The following DTX1 variants were observed in gnomAD, a reference collection of about 807,000 sequenced individuals.
The protein encoded by DTX1 is E3 ubiquitin-protein ligase DTX1.
In DTX1, 26 loss-of-function variants were observed where a neutral mutation model predicts 57.8. That is an observed-to-expected ratio of 0.45 (90% CI 0.33 to 0.62). DTX1 has a LOEUF of 0.62. DTX1 is among the 20% of genes least tolerant of loss of function. The pLI, the probability that DTX1 is intolerant of heterozygous loss-of-function variation, is 0.02. For missense variants in DTX1, 704 were observed against 895.3 expected, an observed-to-expected ratio of 0.79 and a Z score of 2.73; for synonymous variants, 398 against 394.1, an observed-to-expected ratio of 1.01 and a Z score of -0.12.
chr12:113,080,867 C>G (rs901273897), intron 3 of DTX1, among the ~76,000 whole-genome samples: 2 of 151,488 alleles, frequency 1.3e-5, no homozygotes, highest in African/African-American at 2.4e-5. Flanking sequence ...CCCAGTTACT[C>G]GGAAGGCTGA....
chr12:113,086,171 G>A (rs2044855472), intron 3 of DTX1, among the ~76,000 whole-genome samples: 1 of 152,018 alleles, frequency 6.6e-6, no homozygotes, highest in African/African-American at 2.4e-5. Flanking sequence ...AGGAGGCTGA[G>A]GTGGGAGGAT....
At chr12:113,095,457 G>A in intron 9 of DTX1, 43 bp downstream of exon 9, 1 of 1,612,044 alleles carries the variant, frequency 6.2e-7, no homozygotes. Flanking sequence ...GGCACAGGCA[G>A]GGGCTCCAGC....
At chr12:113,074,666 C>T (rs527824838) in intron 2 of DTX1, among the ~76,000 whole-genome samples, 2 of 152,190 alleles carry the variant, frequency 1.3e-5, no homozygotes, top group East Asian at 1.9e-4. Flanking sequence ...CCTCTGGCTG[C>T]GGTATGGGAA....
chr12:113,085,317 TG>T (rs1404057549), intron 3 of DTX1, among the ~76,000 whole-genome samples: 3 of 152,238 alleles, frequency 2.0e-5, no homozygotes, highest in African/African-American at 7.2e-5. Flanking sequence ...CCCAAAGTGC[TG>T]GGATTACAGG....
chr12:113,095,171 C>A lies in DTX1; in HGVS notation c.1516C>A (p.Arg506Ser), dbSNP rs768839188. The change falls in exon 8 of 10, where the codon CGC becomes AGC. Residue 506 changes from arginine to serine, a missense_variant. This residue lies in a region of DTX1 where 168 missense variants were observed against 255.6 expected (regional missense o/e 0.66). Transcript: ENST00000548759. ...LPGFPDTQTI[R>S]IVYDIPTGIQ... is the part of the protein sequence containing the mutation. ...CGGCTTCCCTGATACCCAGACCATCCGCATCGTCTATGACATCCCCACAGG... is the reference window on the plus strand; with the variant it reads ...CGGCTTCCCTGATACCCAGACCATCAGCATCGTCTATGACATCCCCACAGG... 1 of 1,612,336 alleles carries A rather than the reference C, an allele frequency of 6.2e-7. No individual in the cohort carries two copies. The highest frequency in any genetic ancestry group is 2.2e-5 in the East Asian group (1 of 44,840).
chr12:113,096,774 C>G lies in DTX1; in HGVS notation c.1698C>G (p.Ser566=), dbSNP rs371376467. Reference sequence around the variant, plus strand: ...GACTCATCTTCACTATCGGCACGTCCAACACCACGGGCGAGTCGGACACCG... The same window carrying G: ...GACTCATCTTCACTATCGGCACGTCGAACACCACGGGCGAGTCGGACACCG... The part of the protein sequence containing the change: ...ERRLIFTIGT[S]NTTGESDTVV... The change falls in exon 10 of 10, where the codon TCC becomes TCG. Residue 566 remains serine, a synonymous_variant. Coordinates refer to ENST00000548759, the MANE Select transcript of DTX1 (RefSeq NM_004416.3). The G allele has an allele frequency of 4.3e-6, 7 of 1,613,750 alleles. No homozygotes were observed. The African/African-American group carries it at 6.7e-5, about 15-fold the overall frequency.
At position 113,093,436 on chromosome 12, in the gene DTX1, A is replaced by ACCC; in HGVS notation, c.1004-103_1004-102insCCC. On this transcript the variant is annotated intron_variant, in intron 4 of 9. Transcript: ENST00000548759. The surrounding 1 kb of genome is among the most constrained non-coding windows in gnomAD (Gnocchi z 4.2). ...CTGAGTGGGTGGGGCCCAAGAGCGCAACCCTCCCACCCACCCGAGGGCCCC... is the reference window on the plus strand; with the variant it reads ...CTGAGTGGGTGGGGCCCAAGAGCGCACCCACCCTCCCACCCACCCGAGGGCCCC... 2.4e-5 allele frequency: 21 copies of ACCC among 876,266 alleles called. No individual in the cohort carries two copies. The highest frequency in any genetic ancestry group is 2.9e-5 in the Non-Finnish European group (17 of 586,214). 54.3% of individuals were successfully genotyped at this position (876,266 alleles called of 1,614,324 possible).
intron 9 of DTX1, 100 bp from the exon 10 acceptor site, chr12:113,096,615 G>A: frequency 8.7e-7 from 1 of 1,148,976 alleles, no homozygotes. Flanking sequence ...GAAGCCATAA[G>A]GTAGCCATGA....
rs1298186841 is a variant in DTX1 at position 113,077,893 on chromosome 12, C to A, written c.729C>A (p.Gly243=). 3 of 1,260,398 alleles carry A rather than the reference C, an allele frequency of 2.4e-6. No individual in the cohort carries two copies. The highest frequency in any genetic ancestry group is 8.9e-5 in the Admixed American group (2 of 22,472). The allele number at this position is 1,260,398 out of a possible 1,614,324, so 78.1% of individuals were successfully genotyped here. ...PPPPPPGGPP[G]ALAVRPSATF... Reference sequence around the variant, plus strand: ...CGCCGCCACCTGGAGGGCCTCCAGGCGCGCTTGCCGTGCGCCCCAGCGCCA... The same window carrying A: ...CGCCGCCACCTGGAGGGCCTCCAGGAGCGCTTGCCGTGCGCCCCAGCGCCA... Residue 243 remains glycine, a synonymous_variant, in exon 3 of 10, where the codon GGC becomes GGA. Coordinates refer to ENST00000548759, the MANE Select transcript of DTX1 (RefSeq NM_004416.3). The surrounding 1 kb of genome is among the most constrained non-coding windows in gnomAD (Gnocchi z 7.8).
At chr12:113,065,965 T>G (rs2136425236) in intron 2 of DTX1, among the ~76,000 whole-genome samples, 1 of 152,296 alleles carries the variant, frequency 6.6e-6, no homozygotes. Flanking sequence ...CCGCCACCTC[T>G]GTCTCTCCCT....
At chr12:113,075,663 C>T (rs764536095) in intron 2 of DTX1, among the ~76,000 whole-genome samples, 1 of 152,210 alleles carries the variant, frequency 6.6e-6, no homozygotes, top group Non-Finnish European at 1.5e-5. Context: ...GGAGTAAAGC[C>T]TCAGTGCCCT....
rs1201561238 is a variant in DTX1 at position 113,095,143 on chromosome 12, G to T, written c.1488G>T (p.Leu496=). 1 of 1,613,452 alleles carries T rather than the reference G, an allele frequency of 6.2e-7. No individual in the cohort carries two copies. Reference sequence around the variant, plus strand: ...AGTTCCACCTCATCCCCCACTCGCTGCCCGGCTTCCCTGATACCCAGACCA... The same window carrying T: ...AGTTCCACCTCATCCCCCACTCGCTTCCCGGCTTCCCTGATACCCAGACCA... The part of the protein sequence containing the change: ...KMEFHLIPHS[L]PGFPDTQTIR... The change falls in exon 8 of 10, where the codon CTG becomes CTT. Residue 496 remains leucine, a synonymous_variant. Coordinates refer to ENST00000548759, the MANE Select transcript of DTX1 (RefSeq NM_004416.3).
intron 1 of DTX1, 130 bp downstream of exon 1, chr12:113,057,074 T>G (rs1394940067): frequency 6.6e-6 from 1 of 152,056 alleles, no homozygotes. Flanking sequence ...ATCCAGCTCC[T>G]GGCTTCGCCC....
rs758613768 is a variant in DTX1 at position 113,095,033 on chromosome 12, C to A, written c.1387-9C>A. On this transcript the variant is annotated splice_polypyrimidine_tract_variant and intron_variant, in intron 7 of 9. Transcript: ENST00000548759. Reference sequence around the variant, plus strand: ...TGCTGGGAACTCACTGCCAGCCTCCCCTGCCCAGGATGGCAGCCTGCAGTG... The same window carrying A: ...TGCTGGGAACTCACTGCCAGCCTCCACTGCCCAGGATGGCAGCCTGCAGTG... 1.0e-5 allele frequency: 16 copies of A among 1,607,918 alleles called. No homozygotes were observed. The highest frequency in any genetic ancestry group is 1.3e-5 in the African/African-American group (1 of 74,816).
chr12:113,091,529 C>T (rs536665231), intron 3 of DTX1, among the ~76,000 whole-genome samples: 2 of 151,896 alleles, frequency 1.3e-5, no homozygotes, highest in East Asian at 1.9e-4. Flanking sequence ...TAATGTGTCC[C>T]GGGGAGTATG....
intron 2 of DTX1, among the ~76,000 whole-genome samples, chr12:113,062,429 T>C (rs2044671662): frequency 6.6e-6 from 1 of 152,148 alleles, no homozygotes; most frequent in Admixed American, 6.5e-5. Flanking sequence ...TTTTCACGGG[T>C]CATGAAATAT....
At chr12:113,075,036 G>A (rs1052515224) in intron 2 of DTX1, among the ~76,000 whole-genome samples, 9 of 152,196 alleles carry the variant, frequency 5.9e-5, no homozygotes, top group Non-Finnish European at 1.0e-4. Context: ...GGGAGAAGAC[G>A]GGGCCAAAGA....
At chr12:113,074,627 A>G (rs2136057344) in intron 2 of DTX1, among the ~76,000 whole-genome samples, 1 of 152,346 alleles carries the variant, frequency 6.6e-6, no homozygotes, top group Middle Eastern at 3.4e-3. Flanking sequence ...CAGAGGAAAG[A>G]TGTGATCTGA....
In DTX1 at chr12:113,081,728, G is replaced by A. The variant is rs550183929; in HGVS notation, c.941+3623G>A. The stretch of plus-strand genomic sequence containing the variant: ...TTCAGGGAAGGGCTAGAGGTGTGGG[G>A]AGGGCTGGAGTGAGGCGCCAGCAAG... On this transcript the variant is annotated intron_variant, in intron 3 of 9. Coordinates refer to ENST00000548759, the MANE Select transcript of DTX1 (RefSeq NM_004416.3). Among the ~76,000 whole-genome samples the A allele has an allele frequency of 8.7e-4, 133 of 152,282 alleles. 1 individual carries two copies. The highest frequency in any genetic ancestry group is 2.1e-4 in the Non-Finnish European group (14 of 68,026).
Sources: allele counts gnomAD v4.1 joint callset (sites outside exome capture counted in the v4.1 genomes callset), GRCh38; gene constraint gnomAD v4.1.1; regional missense constraint gnomAD v4.1.1; non-coding constraint Gnocchi (gnomAD v3.1); transcripts MANE v1.5; gene names NCBI Gene and HGNC (gene_info 2026-07-23, HGNC 2026-07-21).